DPP4: variants seen among roughly 807,000 people sequenced by gnomAD.
The protein encoded by DPP4 is dipeptidyl peptidase 4.
A neutral mutation model predicts 122.4 loss-of-function variants in DPP4; 93 were observed. That is an observed-to-expected ratio of 0.76 (90% CI 0.64 to 0.90). The LOEUF is 0.90. Among genes scored for constraint, DPP4 ranks in the 40% least tolerant of loss-of-function variants. DPP4 has a pLI of 0.00. For synonymous variants in DPP4, 321 were observed against 302.9 expected, an observed-to-expected ratio of 1.06 and a Z score of -0.62; for missense variants, 914 against 907.3, an observed-to-expected ratio of 1.01 and a Z score of -0.09.
chr2:162,042,539 T>C (rs1477962336), intron 5 of DPP4, among the ~76,000 whole-genome samples: 1 of 152,142 alleles, frequency 6.6e-6, no homozygotes, highest in African/African-American at 2.4e-5. Flanking sequence ...TAGACTTTTC[T>C]TTTTTCTAGA....
intron 12 of DPP4, among the ~76,000 whole-genome samples, chr2:162,022,039 G>A (rs903826014): frequency 1.2e-4 from 18 of 152,162 alleles, no homozygotes; most frequent in African/African-American, 4.1e-4. Flanking sequence ...CTTAAAGGGG[G>A]CTTAATAGAA....
At position 162,033,585 on chromosome 2, in the gene DPP4, AT is replaced by A. The variant is rs755300340; in HGVS notation, c.842del (p.Asn281MetfsTer14). The A allele has an allele frequency of 6.2e-7, 1 of 1,613,426 alleles. No individual in the cohort carries two copies. Among genetic ancestry groups the A allele is most frequent in the Non-Finnish European group, 8.5e-7 (1 of 1,179,728 alleles). On this transcript the variant is annotated frameshift_variant, in exon 10 of 26. Coordinates refer to ENST00000360534, the MANE Select transcript of DPP4 (RefSeq NM_001935.4). LOFTEE classifies it high-confidence loss of function. ...GAGCAGTGATTTGTATGGAAGTTGC[AT>A]TGGTGACTGAGCTGAGAGAGTCTGT... Reference protein sequence around the residue: ...VNTDSLSSVTNATSIQITAPA... With the variant: ...VNTDSLSSVTXATSIQITAPA...
At chr2:162,000,776 T>A (rs1473124350) in intron 23 of DPP4, among the ~76,000 whole-genome samples, 1 of 152,210 alleles carries the variant, frequency 6.6e-6, no homozygotes, top group African/African-American at 2.4e-5. Context: ...TGTTCCAGGC[T>A]GCCCTCTTCT....
intron 23 of DPP4, among the ~76,000 whole-genome samples, chr2:162,002,251 C>T (rs577136061): frequency 3.9e-5 from 6 of 152,190 alleles, no homozygotes; most frequent in Non-Finnish European, 8.8e-5. Context: ...ATTCCCTTTC[C>T]TCAATGGTGA....
chr2:162,071,535 G>A (rs929632490), intron 2 of DPP4, among the ~76,000 whole-genome samples: 5 of 152,078 alleles, frequency 3.3e-5, no homozygotes, highest in African/African-American at 7.2e-5. Flanking sequence ...CCAGCTACTC[G>A]GGAGGCTGAG....
chr2:162,062,881 A>G (rs1284274898), intron 2 of DPP4, among the ~76,000 whole-genome samples: 1 of 152,120 alleles, frequency 6.6e-6, no homozygotes, highest in African/African-American at 2.4e-5. Flanking sequence ...AATCTCAGAG[A>G]TTAGTACACA....
At chr2:162,057,625 G>A (rs1684620971) in intron 2 of DPP4, among the ~76,000 whole-genome samples, 1 of 152,100 alleles carries the variant, frequency 6.6e-6, no homozygotes, top group African/African-American at 2.4e-5. Flanking sequence ...TAGCAGCTAG[G>A]GGGATTATAA....
At chr2:162,054,212 G>C (rs1392267542) in intron 2 of DPP4, among the ~76,000 whole-genome samples, 1 of 152,186 alleles carries the variant, frequency 6.6e-6, no homozygotes, top group Admixed American at 6.5e-5. Flanking sequence ...ATTTGGAATG[G>C]AAATATCTAT....
rs1700901252 is a variant in DPP4, at chr2:161,992,978, G to A, written c.*305C>T. 3.5e-6 allele frequency: 1 copy of A among 284,554 alleles called. No individual in the cohort carries two copies. The highest frequency in any genetic ancestry group is 4.5e-5 in the South Asian group (1 of 22,230). The allele number at this position is 284,554 out of a possible 1,614,324, so 17.6% of individuals were successfully genotyped here. On this transcript the variant is annotated 3_prime_UTR_variant, in exon 26 of 26. Transcript: ENST00000360534. ...TAGAAAAAGATTAAAATCCTGCTCA[G>A]GGAATCTATGCAAAGCCTCCATAAA...
At chr2:161,997,766 T>C (rs2970933) in intron 23 of DPP4, among the ~76,000 whole-genome samples, 103,947 of 152,124 alleles carry the variant, frequency 0.68, 36,943 homozygotes, top group African/African-American at 0.89. Flanking sequence ...TTGCAATATT[T>C]GCGTAAAATA....
At chr2:162,055,634 T>C (rs150357648) in intron 2 of DPP4, among the ~76,000 whole-genome samples, 4,035 of 149,992 alleles carry the variant, frequency 0.027, 203 homozygotes, top group African/African-American at 0.094. Context: ...ACTGTGCCAC[T>C]GCACTCCAGC....
At chr2:162,073,872 A>G (rs1445531882) in intron 1 of DPP4, 104 bp downstream of exon 1, 3 of 1,496,390 alleles carry the variant, frequency 2.0e-6, no homozygotes, top group Non-Finnish European at 2.7e-6. Context: ...CTTCCGCCTA[A>G]GGGGAGTCCC....
At chr2:162,019,143 A>G (rs956474039) in intron 15 of DPP4, 80 bp downstream of exon 15, 1 of 1,308,690 alleles carries the variant, frequency 7.6e-7, no homozygotes, top group South Asian at 1.2e-5. Context: ...TAGTTAGGAC[A>G]AGGCAAAAAA....
At chr2:162,036,277 T>G (rs1414686876) in intron 8 of DPP4, among the ~76,000 whole-genome samples, 2 of 152,192 alleles carry the variant, frequency 1.3e-5, no homozygotes, top group Admixed American at 6.6e-5. Flanking sequence ...GCCTGATACC[T>G]CCTTTCAAGT....
At chr2:162,064,446 G>C (rs191677856) in intron 2 of DPP4, among the ~76,000 whole-genome samples, 22 of 152,222 alleles carry the variant, frequency 1.4e-4, no homozygotes, top group Admixed American at 1.3e-3. Flanking sequence ...ACCTTGTGAG[G>C]TTATTTTGTT....
At position 162,038,397 on chromosome 2, in the gene DPP4, T is replaced by G. The variant is rs201957533; in HGVS notation, c.518A>C (p.Tyr173Ser). The change falls in exon 8 of 26, where the codon TAT becomes TCT. Residue 173 changes from tyrosine to serine, a missense_variant. Tyr to Ser is a moderately radical substitution (Grantham distance 144). Coordinates refer to ENST00000360534, the MANE Select transcript of DPP4 (RefSeq NM_001935.4). ...TGGTAAATTTGGTTCAATTTTAACA[T>G]AAATGTCATTGTTCCAAACATATGC... ...KLAYVWNNDI[Y>S]VKIEPNLPSY... 2 of 1,607,698 alleles carry G rather than the reference T, an allele frequency of 1.2e-6. No individual in the cohort carries two copies. The highest frequency in any genetic ancestry group is 1.7e-6 in the Non-Finnish European group (2 of 1,176,830).
intron 14 of DPP4, 73 bp downstream of exon 14, chr2:162,020,156 T>C (rs1683068910): frequency 3.1e-6 from 4 of 1,289,948 alleles, no homozygotes; most frequent in East Asian, 2.3e-5. Context: ...GGAGATTTTT[T>C]CCCTACTTCT....
intron 14 of DPP4, 135 bp from the exon 15 acceptor site, chr2:162,019,411 T>A: frequency 5.3e-6 from 3 of 562,316 alleles, no homozygotes; most frequent in Non-Finnish European, 9.2e-6. Context: ...CGCCATCGCT[T>A]CCGTGTCCCT....
chr2:162,073,525 G>T, intron 1 of DPP4, 39 bp from the exon 2 acceptor site: 2 of 1,598,542 alleles, frequency 1.3e-6, no homozygotes, highest in Non-Finnish European at 8.6e-7. Flanking sequence ...AGAGGGAAGC[G>T]TGTGGCCCCA....
Sources: allele counts gnomAD v4.1 joint callset (sites outside exome capture counted in the v4.1 genomes callset), GRCh38; gene constraint gnomAD v4.1.1; transcripts MANE v1.5; gene names NCBI Gene and HGNC (gene_info 2026-07-23, HGNC 2026-07-21).